The following PCDHGB7 variants were observed in gnomAD, a reference collection of about 807,000 sequenced individuals.
The protein encoded by PCDHGB7 is protocadherin gamma subfamily B, 7.
PCDHGB7 carries 37 observed loss-of-function variants against 61.4 expected under a neutral mutation model. That is an observed-to-expected ratio of 0.60 (90% confidence interval 0.46 to 0.79). The LOEUF (loss-of-function observed/expected upper bound fraction) is 0.79, where lower values mean the gene tolerates loss of function less well. Among genes scored for constraint, PCDHGB7 ranks in the 30% least tolerant of loss-of-function variants. PCDHGB7 has a pLI of 0.00. For missense variants in PCDHGB7, 1,166 were observed against 1,202.5 expected (o/e 0.97, Z 0.45); for synonymous variants, 464 against 503.5 (o/e 0.92, Z 1.05).
At chr5:141,503,284 G>C (rs899456087) in intron 2 of PCDHGB7, among the ~76,000 whole-genome samples, 2 of 152,044 alleles carry the variant, frequency 1.3e-5, no homozygotes, top group African/African-American at 4.8e-5. Flanking sequence ...TCTGTGTCTG[G>C]TACATAGAAA....
intron 1 of PCDHGB7, among the ~76,000 whole-genome samples, chr5:141,462,574 C>T (rs1308899602): frequency 2.0e-5 from 3 of 152,036 alleles, no homozygotes; most frequent in Non-Finnish European, 4.4e-5. Context: ...TTGCTAATCC[C>T]ATCCAGTGAA....
At chr5:141,492,659 T>C (rs2099742881) in intron 1 of PCDHGB7, among the ~76,000 whole-genome samples, 1 of 152,182 alleles carries the variant, frequency 6.6e-6, no homozygotes, top group Non-Finnish European at 1.5e-5. Context: ...GTCCGGATGG[T>C]CCCGGGACTC....
intron 1 of PCDHGB7, among the ~76,000 whole-genome samples, chr5:141,467,051 T>G (rs988417775): frequency 6.6e-6 from 1 of 151,462 alleles, no homozygotes; most frequent in Non-Finnish European, 1.5e-5. Context: ...TGAATCAATG[T>G]TTTCTTTTTT....
rs766083208 is a variant in PCDHGB7, at chr5:141,477,506, G to A, written c.2416-17301G>A. 1.9e-6 allele frequency: 3 copies of A among 1,614,028 alleles called. No homozygotes were observed. Among genetic ancestry groups the A allele is most frequent in the South Asian group, 2.2e-5 (2 of 91,076 alleles). ...ACAATCTTCTCAATCTTCCTACGAC[G>A]TTTACATTGAAGAAAACAACCTCCC... On this transcript the variant is annotated intron_variant, in intron 1 of 3. Transcript: ENST00000398594. This position sits in a 1 kb window ranked among gnomAD's most constrained non-coding sequence, Gnocchi z 4.9.
chr5:141,455,401 A>G (rs1252870027), intron 1 of PCDHGB7, among the ~76,000 whole-genome samples: 1 of 152,158 alleles, frequency 6.6e-6, no homozygotes, highest in Non-Finnish European at 1.5e-5. Context: ...TCCCCCTTAC[A>G]GAGACAGAGG....
In PCDHGB7 at chr5:141,511,261, G is replaced by A; in HGVS notation, c.*88G>A. On this transcript the variant is annotated 3_prime_UTR_variant, in exon 4 of 4. Transcript: ENST00000398594. The stretch of plus-strand genomic sequence containing the variant: ...CTGCACCCAGGCCTCAGAGTTTCAG[G>A]GCTAACCCCCAGAATACTGGTAGGG... 2 of 1,557,474 alleles carry A rather than the reference G, an allele frequency of 1.3e-6. No homozygotes were observed. The highest frequency in any genetic ancestry group is 1.4e-5 in the African/African-American group (1 of 73,440).
intron 1 of PCDHGB7, among the ~76,000 whole-genome samples, chr5:141,452,019 C>T (rs1227308101): frequency 3.3e-5 from 5 of 152,194 alleles, no homozygotes; most frequent in African/African-American, 1.2e-4. Flanking sequence ...AGCCCACACT[C>T]TGGGGAGATG....
chr5:141,431,023 C>G lies in PCDHGB7; in HGVS notation c.2415+10749C>G. 6.2e-7 allele frequency: 1 copy of G among 1,613,748 alleles called. No homozygotes were observed. Among genetic ancestry groups the G allele is most frequent in the Non-Finnish European group, 8.5e-7 (1 of 1,179,820 alleles). On this transcript the variant is annotated intron_variant, in intron 1 of 3. Transcript: ENST00000398594. This position sits in a 1 kb window ranked among gnomAD's most constrained non-coding sequence, Gnocchi z 4.8. ...GCAGCGGCAGCTTGGTCACGGCGGG[C>G]AGGATAGACCGGGAGGAGCTCTGTA...
At chr5:141,423,500 T>A (rs1191111288) in intron 1 of PCDHGB7, 1 of 1,613,732 alleles carries the variant, frequency 6.2e-7, no homozygotes, top group Non-Finnish European at 8.5e-7. Flanking sequence ...TCCCACGAGG[T>A]CTCTCTCATT....
chr5:141,457,877 C>A (rs1488774514), intron 1 of PCDHGB7, among the ~76,000 whole-genome samples: 1 of 152,196 alleles, frequency 6.6e-6, no homozygotes, highest in Admixed American at 6.6e-5. Context: ...AGGTTAGGAA[C>A]CCTGTGTGGG....
chr5:141,423,358 G>T (rs202010010), intron 1 of PCDHGB7: 1 of 1,614,196 alleles, frequency 6.2e-7, no homozygotes, highest in South Asian at 1.1e-5. Flanking sequence ...CTTTGTCATC[G>T]TGCTGCTGGC....
intron 1 of PCDHGB7, among the ~76,000 whole-genome samples, chr5:141,466,921 AG>A (rs2099132133): frequency 6.6e-6 from 1 of 152,204 alleles, no homozygotes; most frequent in African/African-American, 2.4e-5. Context: ...TCCTTGTATT[AG>A]GAATATTAGT....
intron 1 of PCDHGB7, among the ~76,000 whole-genome samples, chr5:141,425,350 A>G (rs926657846): frequency 6.6e-6 from 1 of 152,194 alleles, no homozygotes; most frequent in Non-Finnish European, 1.5e-5. Context: ...TGGCTTTGAA[A>G]TGTGATATTA....
intron 1 of PCDHGB7, chr5:141,478,265 G>A: frequency 6.2e-7 from 1 of 1,614,196 alleles, no homozygotes; most frequent in African/African-American, 1.3e-5. Context: ...CATATTCAAA[G>A]TTTACAAGTG....
intron 1 of PCDHGB7, among the ~76,000 whole-genome samples, chr5:141,481,913 CAAAAAAAAA>C (rs34114744): frequency 1.1e-5 from 1 of 90,852 alleles, no homozygotes; most frequent in Non-Finnish European, 2.2e-5. Flanking sequence ...AACTCCATCT[CAAAAAAAAA>C]AAAAAAAAAA....
chr5:141,451,528 G>C (rs1451101169), intron 1 of PCDHGB7, among the ~76,000 whole-genome samples: 8 of 152,210 alleles, frequency 5.3e-5, no homozygotes. Flanking sequence ...AAGTAAAGGA[G>C]AGTGCCAGAG....
chr5:141,446,622 G>A (rs1338969669), intron 1 of PCDHGB7, among the ~76,000 whole-genome samples: 13 of 152,044 alleles, frequency 8.6e-5, no homozygotes, highest in East Asian at 1.9e-4. Flanking sequence ...GACTACAGGC[G>A]TGCACCACCA....
In PCDHGB7 at chr5:141,431,766, C is replaced by T. The variant is rs1474420822; in HGVS notation, c.2415+11492C>T. Reference sequence around the variant, plus strand: ...TCTGCGCGAGCCAAAGTCCTGATCACTGTTCTGGACGTGAACGACAATGCC... The same window carrying T: ...TCTGCGCGAGCCAAAGTCCTGATCATTGTTCTGGACGTGAACGACAATGCC... On this transcript the variant is annotated intron_variant, in intron 1 of 3. Transcript: ENST00000398594. The surrounding 1 kb of genome is among the most constrained non-coding windows in gnomAD (Gnocchi z 4.8). 2.5e-6 allele frequency: 4 copies of T among 1,614,196 alleles called. No individual in the cohort carries two copies. Among genetic ancestry groups the T allele is most frequent in the Non-Finnish European group, 3.4e-6 (4 of 1,180,010 alleles).
chr5:141,489,112 A>C lies in PCDHGB7; in HGVS notation c.2416-5695A>C. 3 of 412,420 alleles carry C rather than the reference A, an allele frequency of 7.3e-6. No individual in the cohort carries two copies. Among genetic ancestry groups the C allele is most frequent in the South Asian group, 4.2e-5 (1 of 23,838 alleles). The allele number at this position is 412,420 out of a possible 1,614,324, so 25.5% of individuals were successfully genotyped here. ...TGACTAAGAACTGCTGCAAGCAGGC[A>C]AACCTCCGAGCAGTTTTTAAGAGGC... is the stretch of plus-strand genomic sequence containing the variant. On this transcript the variant is annotated intron_variant, in intron 1 of 3. Coordinates refer to ENST00000398594, the MANE Select transcript of PCDHGB7 (RefSeq NM_018927.4). The surrounding 1 kb of genome is among the most constrained non-coding windows in gnomAD (Gnocchi z 4.5).
Sources: gnomAD v4.1 joint callset for allele counts (sites outside exome capture counted in the v4.1 genomes callset) on GRCh38, gnomAD v4.1.1 for gene constraint, Gnocchi (gnomAD v3.1) non-coding constraint, MANE v1.5 for transcripts, NCBI Gene and HGNC (gene_info 2026-07-23, HGNC 2026-07-21) for gene names.